ZNF565: variants seen among roughly 807,000 people sequenced by gnomAD.
ZNF565 encodes the protein zinc finger protein 565.
In ZNF565, 27 loss-of-function variants were observed where a neutral mutation model predicts 39.4. The ratio of observed to expected loss-of-function variants is 0.69; its 90% CI spans 0.51 to 0.95. ZNF565 has a LOEUF of 0.95. ZNF565 is among the 40% of genes least tolerant of loss of function. The pLI is 0.00. For synonymous variants in ZNF565, 185 were observed against 216.6 expected, an observed-to-expected ratio of 0.85 and a Z score of 1.28; for missense variants, 524 against 621.1, an observed-to-expected ratio of 0.84 and a Z score of 1.66.
At chr19:36,229,572 G>A (rs895774467) in intron 1 of ZNF565, among the ~76,000 whole-genome samples, 2 of 152,042 alleles carry the variant, frequency 1.3e-5, no homozygotes, top group Non-Finnish European at 2.9e-5. Flanking sequence ...AGGTAACCTA[G>A]GAATAAGCCA....
chr19:36,232,420 C>A (rs1428287062), intron 1 of ZNF565, among the ~76,000 whole-genome samples: 1 of 152,030 alleles, frequency 6.6e-6, no homozygotes, highest in Non-Finnish European at 1.5e-5. Flanking sequence ...GAGGAACTTA[C>A]AAGTTCTCAG....
upstream of ZNF565, among the ~76,000 whole-genome samples, chr19:36,215,706 G>A (rs1209697462): frequency 6.6e-6 from 1 of 151,480 alleles, no homozygotes; most frequent in African/African-American, 2.4e-5. Context: ...CTTTAGTTTC[G>A]GGGTGCCTAC....
chr19:36,183,077 GCA>G lies in ZNF565; in HGVS notation c.887_888del (p.Val296AlafsTer12), dbSNP rs1250508979. The G allele has an allele frequency of 6.2e-7, 1 of 1,614,086 alleles. No homozygotes were observed. Among genetic ancestry groups the G allele is most frequent in the Non-Finnish European group, 8.5e-7 (1 of 1,180,048 alleles). On this transcript the variant is annotated frameshift_variant, in exon 5 of 5. Coordinates refer to ENST00000304116, the MANE Select transcript of ZNF565 (RefSeq NM_152477.5). LOFTEE classifies it high-confidence loss of function. ...KAFIRGSQLT[V>X]HRRIHTGARP... ...CTGGCCCCTGTGTGGATTCTCCGAT[GCA>G]CAGTGAGTTGGGAGCCACGAATGAA...
At chr19:36,211,447 TCTCACA>T (rs1568423812) in intron 1 of ZNF565, among the ~76,000 whole-genome samples, 2 of 109,982 alleles carry the variant, frequency 1.8e-5, no homozygotes, top group Admixed American at 9.8e-5. Flanking sequence ...TCCAACTCTC[TCTCACA>T]CACACACACA....
chr19:36,196,795 C>T (rs1000276276), intron 2 of ZNF565, among the ~76,000 whole-genome samples: 5 of 149,926 alleles, frequency 3.3e-5, no homozygotes, highest in African/African-American at 7.6e-5. Flanking sequence ...CAGCTGGGCA[C>T]GGTGGTAATT....
chr19:36,191,771 G>A (rs1862966231), intron 4 of ZNF565, among the ~76,000 whole-genome samples: 1 of 152,166 alleles, frequency 6.6e-6, no homozygotes, highest in Non-Finnish European at 1.5e-5. Flanking sequence ...TTAATAAATG[G>A]TGAAGGAATA....
At chr19:36,208,056 G>A (rs533531930) in intron 1 of ZNF565, among the ~76,000 whole-genome samples, 4 of 152,036 alleles carry the variant, frequency 2.6e-5, no homozygotes, top group Non-Finnish European at 5.9e-5. Flanking sequence ...AGACTCAGAC[G>A]CTTGGTCAAT....
chr19:36,217,681 TTG>T (rs1038597519), upstream of ZNF565, among the ~76,000 whole-genome samples: 3 of 151,954 alleles, frequency 2.0e-5, no homozygotes, highest in African/African-American at 7.2e-5. Flanking sequence ...GGTCAGGAGT[TTG>T]AGACCAGCGT....
chr19:36,231,063 C>G (rs1192124041), intron 1 of ZNF565, among the ~76,000 whole-genome samples: 1 of 152,132 alleles, frequency 6.6e-6, no homozygotes, highest in East Asian at 1.9e-4. Flanking sequence ...TGGCTTATTC[C>G]TAGGTTACCT....
At chr19:36,199,063 A>T (rs1272618932) in intron 2 of ZNF565, among the ~76,000 whole-genome samples, 1 of 152,158 alleles carries the variant, frequency 6.6e-6, no homozygotes, top group African/African-American at 2.4e-5. Flanking sequence ...CCATGTACTG[A>T]CAAAAATTAA....
At chr19:36,243,005 G>A (rs538264504) in intron 1 of ZNF565, among the ~76,000 whole-genome samples, 1 of 152,240 alleles carries the variant, frequency 6.6e-6, no homozygotes, top group Admixed American at 6.5e-5. Context: ...TTATCTGAGA[G>A]TAAATGTTGG....
At chr19:36,241,781 CAAAAA>C (rs57036778) in intron 1 of ZNF565, among the ~76,000 whole-genome samples, 157 of 79,750 alleles carry the variant, frequency 2.0e-3, no homozygotes, top group African/African-American at 5.8e-3. Flanking sequence ...AGAAGAGTGT[CAAAAA>C]AAAAAAAAAA....
chr19:36,205,324 T>C (rs779099768), intron 1 of ZNF565, among the ~76,000 whole-genome samples: 17 of 152,054 alleles, frequency 1.1e-4, no homozygotes, highest in Admixed American at 2.0e-4. Context: ...AATCAGGAGT[T>C]TGAGACCAGC....
chr19:36,197,271 C>CA (rs201126947), intron 2 of ZNF565, among the ~76,000 whole-genome samples: 179 of 150,256 alleles, frequency 1.2e-3, no homozygotes, highest in East Asian at 2.0e-3. Context: ...GACTCTGTCT[C>CA]AAAAAAAACA....
chr19:36,195,845 C>T (rs1975740388), intron 2 of ZNF565, among the ~76,000 whole-genome samples: 1 of 148,598 alleles, frequency 6.7e-6, no homozygotes, highest in Admixed American at 6.8e-5. Flanking sequence ...GCCCAGCCCA[C>T]CTGACCCATT....
rs144624345 is a variant in ZNF565, at chr19:36,182,278, CAGTG to C, written c.*184_*187del. 429 of 459,328 alleles carry C rather than the reference CAGTG, an allele frequency of 9.3e-4. 1 individual carries two copies. Among genetic ancestry groups the C allele is most frequent in the Non-Finnish European group, 1.3e-3 (346 of 267,692 alleles). The allele number at this position is 459,328 out of a possible 1,614,324, so 28.5% of individuals were successfully genotyped here. A position where few individuals can be genotyped will look rare whatever the true frequency, so the allele number is the denominator to read the frequency against. On this transcript the variant is annotated 3_prime_UTR_variant, in exon 5 of 5. Transcript: ENST00000304116. Reference sequence around the variant, plus strand: ...CATAGATTATCTGATGCTTAGGAAACAGTGAGTGAGGCAAAAAGAATTCCCACAT... The same window carrying C: ...CATAGATTATCTGATGCTTAGGAAACAGTGAGGCAAAAAGAATTCCCACAT...
chr19:36,214,709 G>GGGCTCT (rs1976519122), upstream of ZNF565: 2 of 152,670 alleles, frequency 1.3e-5, no homozygotes, highest in African/African-American at 4.8e-5. Flanking sequence ...AGGCCGCTGT[G>GGGCTCT]GGCTCTGGGA....
chr19:36,241,870 CA>C (rs200924416), intron 1 of ZNF565, among the ~76,000 whole-genome samples: 134 of 146,500 alleles, frequency 9.1e-4, no homozygotes, highest in Admixed American at 1.9e-3. Flanking sequence ...AAACTTAACT[CA>C]AAAGTGTCCA....
chr19:36,224,773 T>A (rs2145418796), intron 1 of ZNF565, among the ~76,000 whole-genome samples: 1 of 152,372 alleles, frequency 6.6e-6, no homozygotes, highest in African/African-American at 2.4e-5. Flanking sequence ...TTTATGACAT[T>A]AAATATTCCT....
Sources: allele counts gnomAD v4.1 joint callset (sites outside exome capture counted in the v4.1 genomes callset), GRCh38; gene constraint gnomAD v4.1.1; transcripts MANE v1.5; gene names NCBI Gene and HGNC (gene_info 2026-07-23, HGNC 2026-07-21).